Variants in KMT2A observed in about 807,000 individuals in gnomAD.
The protein encoded by KMT2A is histone-lysine N-methyltransferase 2A.
In KMT2A, 16 loss-of-function variants were observed where a neutral mutation model predicts 345.3. That is an observed-to-expected ratio of 0.05 (90% CI 0.03 to 0.07). KMT2A has a LOEUF of 0.07. KMT2A is among the 10% of genes least tolerant of loss of function. The pLI is 1.00. For missense variants in KMT2A, 3,272 were observed against 4,841.6 expected (o/e 0.68, Z 9.62); for synonymous variants, 1,599 against 1,778.6 (o/e 0.90, Z 2.54).
chr11:118,455,648 C>T (rs1343498695), intron 1 of KMT2A, among the ~76,000 whole-genome samples: 1 of 151,690 alleles, frequency 6.6e-6, no homozygotes, highest in East Asian at 1.9e-4. Flanking sequence ...TTTCTTCCCC[C>T]TCTCTGCCCC....
intron 7 of KMT2A, 109 bp downstream of exon 7, chr11:118,482,201 G>T (rs558413828): frequency 3.9e-6 from 5 of 1,281,252 alleles, no homozygotes; most frequent in Non-Finnish European, 5.3e-6. Flanking sequence ...GAAGTCTTCA[G>T]TTCAAGAAAA....
chr11:118,437,147 G>T (rs1949204257), intron 1 of KMT2A, among the ~76,000 whole-genome samples: 1 of 148,734 alleles, frequency 6.7e-6, no homozygotes, highest in South Asian at 2.1e-4. Flanking sequence ...GGGCCCATCT[G>T]GCTGAGGGCG....
intron 31 of KMT2A, among the ~76,000 whole-genome samples, chr11:118,518,806 G>A (rs1202878579): frequency 8.6e-5 from 12 of 139,878 alleles, no homozygotes; most frequent in Admixed American, 6.7e-4. Flanking sequence ...AGCCGGGCGC[G>A]GTGGCTCACA....
At chr11:118,512,999 G>A (rs535604901) in intron 31 of KMT2A, among the ~76,000 whole-genome samples, 3 of 152,190 alleles carry the variant, frequency 2.0e-5, no homozygotes, top group Admixed American at 6.5e-5. Flanking sequence ...AACACTTTGG[G>A]TGACCAAGGC....
Position 118,472,725 on chromosome 11 carries a change from G to A in KMT2A, c.1566G>A (p.Glu522=). The change falls in exon 3 of 36, where the codon GAG becomes GAA. Residue 522 remains glutamate (E), a synonymous_variant. Transcript: ENST00000534358. The stretch of plus-strand genomic sequence containing the variant: ...CCATTTCCCAGTCCCCAGAAAATGA[G>A]AGTAATGATAGGAGAAGCAGAAGGT... ...PLPISQSPEN[E]SNDRRSRRYS... is the part of the protein sequence containing the mutation. 2 of 1,613,646 alleles carry A rather than the reference G, an allele frequency of 1.2e-6. No homozygotes were observed. The highest frequency in any genetic ancestry group is 1.7e-6 in the Non-Finnish European group (2 of 1,179,958).
At chr11:118,458,372 C>T (rs1236785030) in intron 1 of KMT2A, among the ~76,000 whole-genome samples, 2 of 152,192 alleles carry the variant, frequency 1.3e-5, no homozygotes, top group African/African-American at 4.8e-5. Context: ...CAGGTGTGAG[C>T]CACCTCGTCC....
rs1555055432 is a variant in KMT2A, at chr11:118,525,944, G to C, written c.*3772G>C. ...GTCAAGTCACACACTCTGGAAACTT[G>C]CAACTTTTTGTTTGTTTTGGTTTTC... On this transcript the variant is annotated 3_prime_UTR_variant, in exon 36 of 36. Transcript: ENST00000534358. 1 of 223,604 alleles carries C rather than the reference G, an allele frequency of 4.5e-6. No individual in the cohort carries two copies. Among genetic ancestry groups the C allele is most frequent in the East Asian group, 6.5e-5 (1 of 15,410 alleles). The allele number at this position is 223,604 out of a possible 1,614,324, so 13.9% of individuals were successfully genotyped here.
chr11:118,452,173 C>G (rs1337988866), intron 1 of KMT2A, among the ~76,000 whole-genome samples: 1 of 152,188 alleles, frequency 6.6e-6, no homozygotes, highest in Non-Finnish European at 1.5e-5. Context: ...TCCAAAATAG[C>G]TGAGACCATA....
In KMT2A at chr11:118,484,259, G is replaced by T. The variant is rs1002595965; in HGVS notation, c.4163G>T (p.Ser1388Ile). The stretch of plus-strand genomic sequence containing the variant: ...CTCAGCACTCTCTCCAATGGCAATA[G>T]TTCTAAGCAAAAAATTCCAGCAGAT... Reference protein sequence around the residue: ...NILSTLSNGNSSKQKIPADGV... With the variant: ...NILSTLSNGNISKQKIPADGV... The change falls in exon 9 of 36, where the codon AGT (serine) becomes ATT (isoleucine). Residue 1388 changes from serine to isoleucine, a missense_variant. Coordinates refer to ENST00000534358, the MANE Select transcript of KMT2A (RefSeq NM_001197104.2). The surrounding 1 kb of genome is among the most constrained non-coding windows in gnomAD (Gnocchi z 4.1). 3 of 1,614,016 alleles carry T rather than the reference G, an allele frequency of 1.9e-6. No homozygotes were observed. The highest frequency in any genetic ancestry group is 1.7e-5 in the Admixed American group (1 of 60,000).
chr11:118,493,009 C>A lies in KMT2A; in HGVS notation c.5005-48C>A. The A allele has an allele frequency of 6.9e-7, 1 of 1,456,280 alleles. No homozygotes were observed. The highest frequency in any genetic ancestry group is 1.2e-5 in the South Asian group (1 of 82,954). 90.2% of individuals were successfully genotyped at this position (1,456,280 alleles called of 1,614,324 possible). A position where few individuals can be genotyped will look rare whatever the true frequency, so the allele number is the denominator to read the frequency against. ...AATTTTAATAGAATTTACATGGACA[C>A]CTTGGTTTTAGTGTTAGATAAAAGC... On this transcript the variant is annotated intron_variant, in intron 15 of 35. Transcript: ENST00000534358. This position sits in a 1 kb window ranked among gnomAD's most constrained non-coding sequence, Gnocchi z 5.8.
Position 118,495,989 on chromosome 11 carries a change from A to T in KMT2A, c.5557+96A>T. On this transcript the variant is annotated intron_variant, in intron 19 of 35. Transcript: ENST00000534358. The surrounding 1 kb of genome is among the most constrained non-coding windows in gnomAD (Gnocchi z 4.1). ...TCACTAAAATTAGATATACTTGGAT[A>T]TCAGAAAGGAATTTTCAGGTCATCC... The T allele has an allele frequency of 1.8e-6, 2 of 1,132,152 alleles. No homozygotes were observed. Among genetic ancestry groups the T allele is most frequent in the Non-Finnish European group, 2.5e-6 (2 of 784,924 alleles). 70.1% of individuals were successfully genotyped at this position (1,132,152 alleles called of 1,614,324 possible).
At chr11:118,519,329 G>A (rs1181608660) in intron 31 of KMT2A, 10 of 285,744 alleles carry the variant, frequency 3.5e-5, no homozygotes, top group East Asian at 6.3e-5. Flanking sequence ...GAAATAACAC[G>A]TGTATATAGC....
At position 118,473,033 on chromosome 11, in the gene KMT2A, C is replaced by G. The variant is rs782037215; in HGVS notation, c.1874C>G (p.Ser625Cys). The G allele has an allele frequency of 1.2e-6, 2 of 1,614,180 alleles. No homozygotes were observed. Among genetic ancestry groups the G allele is most frequent in the South Asian group, 2.2e-5 (2 of 91,082 alleles). Reference sequence around the variant, plus strand: ...TTTAGGTGGACTTCTTTAAAGCATTCTAGGTCAGAGCCACAATACTTTTCC... The same window carrying G: ...TTTAGGTGGACTTCTTTAAAGCATTGTAGGTCAGAGCCACAATACTTTTCC... ...PTFRWTSLKH[S>C]RSEPQYFSSA... is the part of the protein sequence containing the mutation. Residue 625 changes from serine (S) to cysteine (C), a missense_variant, in exon 3 of 36, where the codon TCT becomes TGT. This residue lies in a region of KMT2A where 114 missense variants were observed against 203.2 expected (regional missense o/e 0.56). Coordinates refer to ENST00000534358, the MANE Select transcript of KMT2A (RefSeq NM_001197104.2). This position sits in a 1 kb window ranked among gnomAD's most constrained non-coding sequence, Gnocchi z 5.2.
intron 2 of KMT2A, among the ~76,000 whole-genome samples, chr11:118,470,406 T>C (rs567460579): frequency 1.3e-5 from 2 of 152,336 alleles, no homozygotes; most frequent in African/African-American, 4.8e-5. Context: ...TAGTTTCCTC[T>C]TAAGTTTTTT....
In KMT2A at chr11:118,522,098, T is replaced by C; in HGVS notation, c.11845T>C (p.Phe3949Leu). ...RGEELTYDYKFPIEDASNKLP... is the reference protein window; with the variant it reads ...RGEELTYDYKLPIEDASNKLP... ...AGAGGAACTCACTTACGACTATAAG[T>C]TCCCCATTGAGGATGCCAGCAACAA... The change falls in exon 36 of 36, where the codon TTC becomes CTC. Residue 3949 changes from phenylalanine to leucine, a missense_variant. Coordinates refer to ENST00000534358, the MANE Select transcript of KMT2A (RefSeq NM_001197104.2). This position sits in a 1 kb window ranked among gnomAD's most constrained non-coding sequence, Gnocchi z 5.4. 6.2e-7 allele frequency: 1 copy of C among 1,614,232 alleles called. No homozygotes were observed. Among genetic ancestry groups the C allele is most frequent in the South Asian group, 1.1e-5 (1 of 91,084 alleles).
rs1555035610 is a variant in KMT2A, at chr11:118,471,872, G to A, written c.713G>A (p.Gly238Glu). Reference protein sequence around the residue: ...FPGVKIKITHGKDISELPKGN... With the variant: ...FPGVKIKITHEKDISELPKGN... The stretch of plus-strand genomic sequence containing the variant: ...GGAGTAAAAATCAAAATAACACATG[G>A]AAAGGACATTTCAGAGTTACCAAAG... Residue 238 changes from glycine to glutamate, a missense_variant, in exon 3 of 36, where the codon GGA becomes GAA. Coordinates refer to ENST00000534358, the MANE Select transcript of KMT2A (RefSeq NM_001197104.2). 1 of 1,612,998 alleles carries A rather than the reference G, an allele frequency of 6.2e-7. No homozygotes were observed. The highest frequency in any genetic ancestry group is 8.5e-7 in the Non-Finnish European group (1 of 1,179,700).
In KMT2A at chr11:118,503,896, G is replaced by C; in HGVS notation, c.8004G>C (p.Val2668=). Residue 2668 remains valine (V), a synonymous_variant, in exon 27 of 36, where the codon GTG becomes GTC. Coordinates refer to ENST00000534358, the MANE Select transcript of KMT2A (RefSeq NM_001197104.2). This position sits in a 1 kb window ranked among gnomAD's most constrained non-coding sequence, Gnocchi z 5.3. ...GCAAGAGATCAGCTGAAGGACAGGT[G>C]GATGGGGCCGATGACTTAAGCACTT... ...KRGKRSAEGQ[V]DGADDLSTSD... 6.2e-7 allele frequency: 1 copy of C among 1,614,186 alleles called. No individual in the cohort carries two copies. The highest frequency in any genetic ancestry group is 1.3e-5 in the African/African-American group (1 of 75,044).
At chr11:118,461,473 G>T (rs977876948) in intron 1 of KMT2A, among the ~76,000 whole-genome samples, 16 of 152,294 alleles carry the variant, frequency 1.1e-4, no homozygotes, top group Middle Eastern at 3.4e-3. Flanking sequence ...CTTGGCAAGG[G>T]TGTTTTTCTA....
rs1477659554 is a variant in KMT2A at position 118,467,166 on chromosome 11, C to G, written c.433-1609C>G. On this transcript the variant is annotated intron_variant, in intron 1 of 35. Transcript: ENST00000534358. Reference sequence around the variant, plus strand: ...CCGAGGTGGGCAGATCACTTGAGGTCAGGAGTTTGAGACCAACCTGCCCAA... The same window carrying G: ...CCGAGGTGGGCAGATCACTTGAGGTGAGGAGTTTGAGACCAACCTGCCCAA... 5.3e-5 allele frequency among the ~76,000 whole-genome samples: 8 copies of G among 152,188 alleles called. No homozygotes were observed. The South Asian group carries it at 1.7e-3, about 32-fold the overall frequency.
Sources: gnomAD v4.1 joint callset for allele counts (sites outside exome capture counted in the v4.1 genomes callset) on GRCh38, gnomAD v4.1.1 for gene constraint, gnomAD v4.1.1 regional missense constraint, Gnocchi (gnomAD v3.1) non-coding constraint, MANE v1.5 for transcripts, NCBI Gene and HGNC (gene_info 2026-07-23, HGNC 2026-07-21) for gene names.